NCAM2: variants seen among roughly 807,000 people sequenced by gnomAD.
NCAM2 encodes N-CAM-2.
Under a neutral mutation model 98.1 loss-of-function variants are expected in NCAM2, and 30 were observed. The ratio of observed to expected loss-of-function variants is 0.31; its 90% CI spans 0.23 to 0.41. The LOEUF (loss-of-function observed/expected upper bound fraction) is 0.41. Among genes scored for constraint, NCAM2 ranks in the 10% least tolerant of loss-of-function variants. The pLI, the probability that NCAM2 is intolerant of heterozygous loss-of-function variation, is 1.00. For missense variants in NCAM2, 867 were observed against 1,005.8 expected (o/e 0.86, Z 1.87); for synonymous variants, 368 against 342.4 (o/e 1.07, Z -0.83).
intron 12 of NCAM2, among the ~76,000 whole-genome samples, chr21:21,460,065 T>C (rs1274767414): frequency 6.6e-6 from 1 of 151,916 alleles, no homozygotes; most frequent in Admixed American, 6.6e-5. Flanking sequence ...CCCTTAAATA[T>C]ATATAATTTT....
At chr21:21,443,540 G>T (rs1481128919) in intron 12 of NCAM2, among the ~76,000 whole-genome samples, 1 of 151,906 alleles carries the variant, frequency 6.6e-6, no homozygotes, top group Admixed American at 6.6e-5. Flanking sequence ...TAAGCAATGA[G>T]TAAAGGATTC....
chr21:21,237,709 C>T lies in NCAM2; in HGVS notation c.56-42869C>T, dbSNP rs566077137. Among the ~76,000 whole-genome samples, 5 of 151,950 alleles carry T rather than the reference C, an allele frequency of 3.3e-5. No homozygotes were observed. In the East Asian group the frequency reaches 9.7e-4, roughly 29 times the overall value. ...TCAGAAATTTTAGTAAAGGTAAATT[C>T]ATTTTCCCATAGCTATATTTCCTAA... On this transcript the variant is annotated intron_variant, in intron 1 of 17. Transcript: ENST00000400546.
chr21:21,001,573 G>A (rs2064019889), intron 1 of NCAM2, among the ~76,000 whole-genome samples: 1 of 152,110 alleles, frequency 6.6e-6, no homozygotes, highest in Non-Finnish European at 1.5e-5. Flanking sequence ...CCAAACTGTT[G>A]TATGTATGGA....
chr21:21,140,165 T>C (rs924421207), intron 1 of NCAM2, among the ~76,000 whole-genome samples: 32 of 152,220 alleles, frequency 2.1e-4, no homozygotes, highest in Non-Finnish European at 4.3e-4. Flanking sequence ...TTACAATTGG[T>C]ATCATGTTAT....
chr21:21,489,589 G>C (rs1446783711), intron 15 of NCAM2, among the ~76,000 whole-genome samples: 1 of 152,058 alleles, frequency 6.6e-6, no homozygotes, highest in East Asian at 1.9e-4. Context: ...TGTCATAAAA[G>C]CTTCAGCAAA....
intron 16 of NCAM2, among the ~76,000 whole-genome samples, chr21:21,509,529 AATATG>A (rs1274463317): frequency 6.6e-5 from 10 of 152,186 alleles, no homozygotes; most frequent in Non-Finnish European, 8.8e-5. Context: ...TTGTATAGAA[AATATG>A]ATATGTGCTA....
intron 1 of NCAM2, among the ~76,000 whole-genome samples, chr21:21,269,368 T>C (rs1250909288): frequency 4.6e-5 from 7 of 152,198 alleles, no homozygotes; most frequent in Admixed American, 4.6e-4. Context: ...TATGGCTACA[T>C]CGCAGCACAC....
chr21:21,368,637 G>A (rs1229712606), intron 8 of NCAM2, among the ~76,000 whole-genome samples: 1 of 151,796 alleles, frequency 6.6e-6, no homozygotes, highest in Admixed American at 6.6e-5. Flanking sequence ...TATGGTGCAT[G>A]GGACTAGCTA....
At chr21:21,095,720 G>A (rs892251666) in intron 1 of NCAM2, among the ~76,000 whole-genome samples, 3 of 151,300 alleles carry the variant, frequency 2.0e-5, no homozygotes, top group African/African-American at 7.3e-5. Flanking sequence ...CAGTAAATTC[G>A]GAAAATACTG....
intron 16 of NCAM2, among the ~76,000 whole-genome samples, chr21:21,519,175 ATCTTCTTG>A (rs1988876506): frequency 6.6e-6 from 1 of 152,140 alleles, no homozygotes; most frequent in Non-Finnish European, 1.5e-5. Context: ...GTATTATTCC[ATCTTCTTG>A]GGTCAATGAA....
rs141090165 is a variant in NCAM2 at position 21,510,445 on chromosome 21, C to G, written c.2282+1390C>G. ...TCACATAAATGGATTCCTGCAGTGT[C>G]TACCCTTCTGTATCTGACATCTTCA... On this transcript the variant is annotated intron_variant, in intron 16 of 17. Transcript: ENST00000400546. 3.4e-4 allele frequency among the ~76,000 whole-genome samples: 52 copies of G among 152,164 alleles called. No homozygotes were observed. In the East Asian group the frequency reaches 9.9e-3, roughly 29 times the overall value.
intron 5 of NCAM2, among the ~76,000 whole-genome samples, chr21:21,319,232 A>G (rs1407500565): frequency 6.6e-6 from 1 of 152,266 alleles, no homozygotes; most frequent in Non-Finnish European, 1.5e-5. Flanking sequence ...TAGCAATAAA[A>G]TTAACAATAC....
intron 1 of NCAM2, among the ~76,000 whole-genome samples, chr21:21,087,781 T>G (rs987399633): frequency 6.6e-6 from 1 of 152,102 alleles, no homozygotes; most frequent in Non-Finnish European, 1.5e-5. Context: ...AGACCAGTCT[T>G]CTGTTTGGCT....
chr21:21,243,726 C>T (rs1382595022), intron 1 of NCAM2, among the ~76,000 whole-genome samples: 1 of 152,092 alleles, frequency 6.6e-6, no homozygotes, highest in Non-Finnish European at 1.5e-5. Flanking sequence ...TCCATGGCTT[C>T]CAAATCCATA....
intron 16 of NCAM2, among the ~76,000 whole-genome samples, chr21:21,520,906 A>G (rs960842234): frequency 6.6e-6 from 1 of 152,150 alleles, no homozygotes; most frequent in Non-Finnish European, 1.5e-5. Context: ...GAGGTCCTAT[A>G]CTTCTGAGAA....
intron 12 of NCAM2, among the ~76,000 whole-genome samples, chr21:21,457,438 G>A (rs922487617): frequency 7.2e-5 from 11 of 152,076 alleles, no homozygotes; most frequent in East Asian, 3.9e-4. Context: ...TCCGGAGTTC[G>A]AGACCAGCCT....
intron 16 of NCAM2, among the ~76,000 whole-genome samples, chr21:21,513,278 C>A (rs1441748589): frequency 1.3e-5 from 2 of 151,940 alleles, no homozygotes; most frequent in Non-Finnish European, 2.9e-5. Context: ...CTTTAAGATG[C>A]ATTGTAAGGT....
chr21:21,369,181 T>C (rs557201088), intron 8 of NCAM2, among the ~76,000 whole-genome samples: 3 of 151,786 alleles, frequency 2.0e-5, no homozygotes, highest in Non-Finnish European at 2.9e-5. Flanking sequence ...TCTATAGATT[T>C]GCCTATTCTG....
intron 11 of NCAM2, among the ~76,000 whole-genome samples, chr21:21,429,901 A>C (rs112936676): frequency 6.6e-6 from 1 of 152,292 alleles, no homozygotes; most frequent in African/African-American, 2.4e-5. Flanking sequence ...AAAGGCCGTA[A>C]AGCTGTGCTC....
Sources: allele counts gnomAD v4.1 joint callset (sites outside exome capture counted in the v4.1 genomes callset), GRCh38; gene constraint gnomAD v4.1.1; transcripts MANE v1.5; gene names NCBI Gene and HGNC (gene_info 2026-07-23, HGNC 2026-07-21).